COL14A1: variants seen among roughly 807,000 people sequenced by gnomAD.
COL14A1 encodes the protein collagen alpha-1(XIV) chain.
A neutral mutation model predicts 230.3 loss-of-function variants in COL14A1; 136 were observed. That is an observed-to-expected ratio of 0.59 (90% CI 0.51 to 0.68). The LOEUF (loss-of-function observed/expected upper bound fraction) is 0.68, where lower values mean the gene tolerates loss of function less well. COL14A1 is among the 30% of genes least tolerant of loss of function. The pLI is 0.00. For missense variants in COL14A1, 1,976 were observed against 2,215.8 expected, an observed-to-expected ratio of 0.89 and a Z score of 2.17; for synonymous variants, 792 against 784.1, an observed-to-expected ratio of 1.01 and a Z score of -0.17.
chr8:120,306,986 T>G (rs1045258782), intron 36 of COL14A1, among the ~76,000 whole-genome samples: 3 of 152,188 alleles, frequency 2.0e-5, no homozygotes, highest in Non-Finnish European at 4.4e-5. Context: ...AACACAGTAG[T>G]GTAAACTATG....
At chr8:120,320,192 G>A (rs1821388984) in intron 40 of COL14A1, among the ~76,000 whole-genome samples, 1 of 152,154 alleles carries the variant, frequency 6.6e-6, no homozygotes, top group Non-Finnish European at 1.5e-5. Flanking sequence ...GCAGAGAATT[G>A]TCATGGAGAT....
intron 22 of COL14A1, among the ~76,000 whole-genome samples, chr8:120,252,515 A>T (rs1429242040): frequency 6.6e-6 from 1 of 152,226 alleles, no homozygotes; most frequent in East Asian, 1.9e-4. Flanking sequence ...CACTCTTGAG[A>T]TCATAGTCAT....
intron 31 of COL14A1, among the ~76,000 whole-genome samples, chr8:120,281,487 C>T (rs1820037926): frequency 6.6e-6 from 1 of 151,476 alleles, no homozygotes; most frequent in African/African-American, 2.4e-5. Context: ...ATTGCTTGAG[C>T]TCAGGAGGTT....
At chr8:120,147,317 A>G (rs968275667) in intron 1 of COL14A1, among the ~76,000 whole-genome samples, 1 of 152,124 alleles carries the variant, frequency 6.6e-6, no homozygotes, top group African/African-American at 2.4e-5. Context: ...CAACCCAGTG[A>G]GGGGAAGTCT....
chr8:120,303,481 A>G (rs1166971445), intron 36 of COL14A1, among the ~76,000 whole-genome samples: 2 of 152,172 alleles, frequency 1.3e-5, no homozygotes, highest in African/African-American at 4.8e-5. Context: ...CCTTCTTTGC[A>G]TCTATTGAGA....
chr8:120,198,016 T>C, intron 7 of COL14A1, 86 bp downstream of exon 7: 1 of 1,331,306 alleles, frequency 7.5e-7, no homozygotes, highest in Non-Finnish European at 1.0e-6. Flanking sequence ...GTAAGCGTTA[T>C]CATAATGTTT....
Position 120,196,872 on chromosome 8 carries a change from A to G in COL14A1, c.518A>G (p.Asn173Ser). 1 of 1,614,152 alleles carries G rather than the reference A, an allele frequency of 6.2e-7. No individual in the cohort carries two copies. The highest frequency in any genetic ancestry group is 8.5e-7 in the Non-Finnish European group (1 of 1,180,004). ...GGTTCATGGAGTATTGGAAGATTCA[A>G]CTTCAGACTGGTTCGGCATTTCTTG... Reference protein sequence around the residue: ...VDGSWSIGRFNFRLVRHFLEN... With the variant: ...VDGSWSIGRFSFRLVRHFLEN... Residue 173 changes from asparagine to serine, a missense_variant, in exon 6 of 48, where the codon AAC becomes AGC. Around this residue, in one of 3 missense-constraint regions of COL14A1, gnomAD observed 1,791 missense variants for 2,019.5 expected, o/e 0.89. Transcript: ENST00000297848.
At chr8:120,213,378 G>A (rs111312872) in intron 13 of COL14A1, among the ~76,000 whole-genome samples, 11 of 152,174 alleles carry the variant, frequency 7.2e-5, no homozygotes, top group South Asian at 6.2e-4. Flanking sequence ...TCCTAGACTC[G>A]GGAGATGAAT....
intron 45 of COL14A1, among the ~76,000 whole-genome samples, chr8:120,361,799 C>T (rs765644757): frequency 5.3e-5 from 8 of 152,146 alleles, no homozygotes; most frequent in South Asian, 2.1e-4. Context: ...GGCTGGAGTG[C>T]GTGGTGTGGT....
chr8:120,351,646 G>A (rs905564114), intron 45 of COL14A1, among the ~76,000 whole-genome samples: 25 of 137,326 alleles, frequency 1.8e-4, no homozygotes, highest in Non-Finnish European at 3.6e-4. Flanking sequence ...AGAAGAAATG[G>A]ATAAATTCCT....
At chr8:120,139,569 T>C (rs1402441344) in intron 1 of COL14A1, among the ~76,000 whole-genome samples, 2 of 152,246 alleles carry the variant, frequency 1.3e-5, no homozygotes, top group Non-Finnish European at 2.9e-5. Context: ...TAAAGTCTTC[T>C]TGATTCTCCT....
chr8:120,252,046 C>T (rs568663698), intron 22 of COL14A1, among the ~76,000 whole-genome samples: 1 of 152,018 alleles, frequency 6.6e-6, no homozygotes, highest in South Asian at 2.1e-4. Context: ...TGTATATATT[C>T]AAGGTGTAGA....
chr8:120,368,395 A>G (rs1823478631), intron 46 of COL14A1, among the ~76,000 whole-genome samples: 1 of 152,152 alleles, frequency 6.6e-6, no homozygotes. Flanking sequence ...AGACAATGTG[A>G]GGAACTGATA....
At chr8:120,263,299 T>C (rs1819398930) in intron 24 of COL14A1, among the ~76,000 whole-genome samples, 1 of 152,084 alleles carries the variant, frequency 6.6e-6, no homozygotes, top group South Asian at 2.1e-4. Context: ...GTGATCCAGA[T>C]CCATAAGGAA....
intron 36 of COL14A1, among the ~76,000 whole-genome samples, chr8:120,301,996 A>G (rs1010192299): frequency 1.3e-5 from 2 of 151,988 alleles, no homozygotes; most frequent in Non-Finnish European, 2.9e-5. Flanking sequence ...GGCCACTTGT[A>G]TGTCTTCTTT....
chr8:120,191,519 CT>C (rs1274859448), intron 5 of COL14A1, among the ~76,000 whole-genome samples: 6 of 151,276 alleles, frequency 4.0e-5, no homozygotes, highest in African/African-American at 1.5e-4. Flanking sequence ...AATGTATATT[CT>C]GTTGATTTGG....
At chr8:120,142,114 T>A (rs765681424) in intron 1 of COL14A1, among the ~76,000 whole-genome samples, 1 of 152,210 alleles carries the variant, frequency 6.6e-6, no homozygotes, top group Non-Finnish European at 1.5e-5. Context: ...TGTTTTTTTT[T>A]ACCTTTCTTT....
At chr8:120,324,322 T>C (rs776629200) in intron 40 of COL14A1, among the ~76,000 whole-genome samples, 4 of 152,176 alleles carry the variant, frequency 2.6e-5, no homozygotes, top group Non-Finnish European at 5.9e-5. Flanking sequence ...CATATATACA[T>C]ATACATTTTT....
chr8:120,206,823 A>G (rs1817448082), intron 9 of COL14A1, 120 bp from the exon 10 acceptor site: 1 of 992,720 alleles, frequency 1.0e-6, no homozygotes, highest in African/African-American at 1.7e-5. Context: ...CAACTTATCT[A>G]AAGAGGAAAA....
Sources: gnomAD v4.1 joint callset for allele counts (sites outside exome capture counted in the v4.1 genomes callset) on GRCh38, gnomAD v4.1.1 for gene constraint, gnomAD v4.1.1 regional missense constraint, MANE v1.5 for transcripts, NCBI Gene and HGNC (gene_info 2026-07-23, HGNC 2026-07-21) for gene names.